ATP11B: variants seen among roughly 807,000 people sequenced by gnomAD.
ATP11B encodes the protein phospholipid-transporting ATPase IF.
Under a neutral mutation model 157.8 loss-of-function variants are expected in ATP11B, and 81 were observed. That is an observed-to-expected ratio of 0.51 (90% CI 0.43 to 0.62). The LOEUF (loss-of-function observed/expected upper bound fraction) is 0.62. Ranked by LOEUF, ATP11B falls within the 20% of genes least tolerant of loss-of-function variation. The pLI, the probability that ATP11B is intolerant of heterozygous loss-of-function variation, is 0.00. For synonymous variants in ATP11B, 451 were observed against 469.4 expected, an observed-to-expected ratio of 0.96 and a Z score of 0.51; for missense variants, 1,165 against 1,402.2, an observed-to-expected ratio of 0.83 and a Z score of 2.70.
At chr3:182,907,072 G>T (rs1181388767) in intron 28 of ATP11B, among the ~76,000 whole-genome samples, 3 of 147,978 alleles carry the variant, frequency 2.0e-5, no homozygotes, top group African/African-American at 7.6e-5. Flanking sequence ...CAGCCTGAGC[G>T]ACAGAGTGAG....
rs184534329 is a variant in ATP11B, at chr3:182,801,700, C to T, written c.27+7914C>T. 8.5e-4 allele frequency among the ~76,000 whole-genome samples: 129 copies of T among 152,250 alleles called. 1 individual carries two copies. The highest frequency in any genetic ancestry group is 3.0e-3 in the African/African-American group (123 of 41,550). On this transcript the variant is annotated intron_variant, in intron 1 of 29. Transcript: ENST00000323116. Reference sequence around the variant, plus strand: ...CCCATAAATATTTCTGTATTTATCTCCAAAATCGCTTCTTCCTTTCCTTCC... The same window carrying T: ...CCCATAAATATTTCTGTATTTATCTTCAAAATCGCTTCTTCCTTTCCTTCC...
intron 1 of ATP11B, among the ~76,000 whole-genome samples, chr3:182,815,059 G>A (rs1716891969): frequency 6.6e-6 from 1 of 151,992 alleles, no homozygotes; most frequent in South Asian, 2.1e-4. Flanking sequence ...TAAAACTTTG[G>A]CAAATGATTT....
chr3:182,832,759 T>A (rs1397103932), intron 4 of ATP11B, among the ~76,000 whole-genome samples: 12 of 152,130 alleles, frequency 7.9e-5, no homozygotes, highest in Admixed American at 7.9e-4. Flanking sequence ...CTGTAGGAAA[T>A]AAGATAGTCT....
chr3:182,812,614 T>C (rs1407246185), intron 1 of ATP11B, among the ~76,000 whole-genome samples: 2 of 152,182 alleles, frequency 1.3e-5, no homozygotes, highest in Non-Finnish European at 2.9e-5. Context: ...ATATAAGGGA[T>C]ATTTACTATC....
intron 3 of ATP11B, among the ~76,000 whole-genome samples, chr3:182,829,376 A>G (rs1245519392): frequency 6.6e-6 from 1 of 152,206 alleles, no homozygotes; most frequent in African/African-American, 2.4e-5. Context: ...ACTCTTCAGC[A>G]TTTATCAGGA....
chr3:182,840,212 A>G (rs752805845), intron 7 of ATP11B, among the ~76,000 whole-genome samples: 17 of 151,992 alleles, frequency 1.1e-4, no homozygotes, highest in Non-Finnish European at 2.1e-4. Context: ...CTTTGATACA[A>G]TTTGCTAACT....
chr3:182,823,855 T>G (rs1576974739), intron 2 of ATP11B, among the ~76,000 whole-genome samples: 2 of 152,078 alleles, frequency 1.3e-5, no homozygotes, highest in Non-Finnish European at 2.9e-5. Context: ...GGGGTATAAT[T>G]TACATACAGT....
rs752103218 is a variant in ATP11B at position 182,867,415 on chromosome 3, G to A, written c.1659G>A (p.Met553Ile). ...IVFIGNSEET[M>I]EVKTLGKLER... ...TTATTGGCAATTCTGAAGAAACTAT[G>A]GAGGTTAAAACTCTTGGAAAACTGG... The change falls in exon 15 of 30, where the codon ATG becomes ATA. Residue 553 changes from methionine to isoleucine, a missense_variant. Around this residue, in one of 4 missense-constraint regions of ATP11B, gnomAD observed 737 missense variants for 930.5 expected, o/e 0.79. Transcript: ENST00000323116. The A allele has an allele frequency of 1.2e-6, 2 of 1,610,752 alleles. No homozygotes were observed. The highest frequency in any genetic ancestry group is 2.7e-5 in the African/African-American group (2 of 74,754).
chr3:182,916,051 A>G (rs1001480246), intron 29 of ATP11B: 8 of 985,190 alleles, frequency 8.1e-6, no homozygotes, highest in East Asian at 2.3e-4. Flanking sequence ...TCTAGGGGAT[A>G]AAGTCATATA....
intron 12 of ATP11B, among the ~76,000 whole-genome samples, chr3:182,862,292 CAAAA>C (rs1266316809): frequency 1.3e-5 from 2 of 149,306 alleles, no homozygotes; most frequent in Non-Finnish European, 3.0e-5. Context: ...AAAAAAAAAA[CAAAA>C]AAAACCTCAG....
chr3:182,901,472 G>C (rs1277651785), intron 28 of ATP11B, among the ~76,000 whole-genome samples: 1 of 151,618 alleles, frequency 6.6e-6, no homozygotes, highest in Non-Finnish European at 1.5e-5. Flanking sequence ...TATACTTATT[G>C]ATTTAGCATC....
At chr3:182,874,060 A>G in intron 19 of ATP11B, 45 bp downstream of exon 19, 1 of 1,557,020 alleles carries the variant, frequency 6.4e-7, no homozygotes, top group Non-Finnish European at 8.8e-7. Flanking sequence ...GGGTTAGCAA[A>G]CTATGGTTCC....
At chr3:182,898,578 T>C in intron 27 of ATP11B, 29 bp from the exon 28 acceptor site, 1 of 1,562,654 alleles carries the variant, frequency 6.4e-7, no homozygotes, top group Non-Finnish European at 8.7e-7. Context: ...AGTTTCCACT[T>C]TTATTAAGCA....
chr3:182,827,351 G>T (rs1210850234), intron 2 of ATP11B, among the ~76,000 whole-genome samples: 1 of 152,030 alleles, frequency 6.6e-6, no homozygotes, highest in Non-Finnish European at 1.5e-5. Context: ...TCTTCAGTAT[G>T]TTAGCTGATT....
In ATP11B at chr3:182,918,446, TAGTA is replaced by T. The variant is rs1160559035; in HGVS notation, c.*344_*347del. ...AAATGTAGAAAAAAGAGAGAAATCTTAGTAAAGAGTATTTTTTAGTATTAGCTTG... is the reference window on the plus strand; with the variant it reads ...AAATGTAGAAAAAAGAGAGAAATCTTAAGAGTATTTTTTAGTATTAGCTTG... On this transcript the variant is annotated 3_prime_UTR_variant, in exon 30 of 30. Transcript: ENST00000323116. 2.5e-6 allele frequency: 1 copy of T among 398,784 alleles called. No homozygotes were observed. The highest frequency in any genetic ancestry group is 3.6e-5 in the East Asian group (1 of 28,070). The allele number at this position is 398,784 out of a possible 1,614,324, so 24.7% of individuals were successfully genotyped here. A position where few individuals can be genotyped will look rare whatever the true frequency, so the allele number is the denominator to read the frequency against.
chr3:182,850,807 A>G (rs1233641823), intron 10 of ATP11B, among the ~76,000 whole-genome samples: 2 of 152,242 alleles, frequency 1.3e-5, no homozygotes, highest in Non-Finnish European at 2.9e-5. Flanking sequence ...AGCACTATTC[A>G]TAATAGCAAA....
At chr3:182,858,109 G>A (rs1295298335) in intron 11 of ATP11B, 81 bp downstream of exon 11, 3 of 1,265,876 alleles carry the variant, frequency 2.4e-6, no homozygotes, top group African/African-American at 3.0e-5. Context: ...ACTTCTGATT[G>A]GAGAGACCAC....
chr3:182,798,283 G>A (rs1205385716), intron 1 of ATP11B, among the ~76,000 whole-genome samples: 4 of 152,182 alleles, frequency 2.6e-5, no homozygotes, highest in African/African-American at 9.7e-5. Context: ...TTGGCCCATT[G>A]TAGGTATTCA....
chr3:182,884,633 A>G (rs1203846612), intron 21 of ATP11B, 120 bp from the exon 22 acceptor site: 16 of 927,506 alleles, frequency 1.7e-5, no homozygotes, highest in Non-Finnish European at 2.2e-5. Flanking sequence ...TATCTGCTGT[A>G]TATTAGGATT....
Sources: allele counts gnomAD v4.1 joint callset (sites outside exome capture counted in the v4.1 genomes callset), GRCh38; gene constraint gnomAD v4.1.1; regional missense constraint gnomAD v4.1.1; transcripts MANE v1.5; gene names NCBI Gene and HGNC (gene_info 2026-07-23, HGNC 2026-07-21).